The following ANO4 variants were observed in gnomAD, a reference collection of about 807,000 sequenced individuals.
ANO4 encodes anoctamin 4.
A neutral mutation model predicts 141.9 loss-of-function variants in ANO4; 69 were observed. The observed-to-expected ratio is 0.49, with a 90% CI of 0.40 to 0.59. The LOEUF (loss-of-function observed/expected upper bound fraction) is 0.59, where lower values mean the gene tolerates loss of function less well. ANO4 is among the 20% of genes least tolerant of loss of function. ANO4 has a pLI of 0.00. For missense variants in ANO4, 894 were observed against 1,162.2 expected, an observed-to-expected ratio of 0.77 and a Z score of 3.36; for synonymous variants, 350 against 394.3, an observed-to-expected ratio of 0.89 and a Z score of 1.33.
At chr12:100,728,821 A>G (rs570034886) in intron 1 of ANO4, among the ~76,000 whole-genome samples, 92 of 152,318 alleles carry the variant, frequency 6.0e-4, no homozygotes, top group African/African-American at 2.1e-3. Flanking sequence ...TAAAAAAGTT[A>G]TAGTGAACTA....
intron 2 of ANO4, 99 bp downstream of exon 2, chr12:100,901,939 A>C: frequency 8.2e-7 from 1 of 1,224,796 alleles, no homozygotes; most frequent in East Asian, 2.4e-5. Context: ...ACTTTCAGCT[A>C]AGCTTGCTTT....
chr12:100,796,705 C>T (rs1240526712), intron 1 of ANO4, among the ~76,000 whole-genome samples: 1 of 151,870 alleles, frequency 6.6e-6, no homozygotes, highest in Non-Finnish European at 1.5e-5. Flanking sequence ...TCCACTCTTC[C>T]CTACACTCGA....
chr12:100,977,293 G>A (rs923872066), intron 7 of ANO4, among the ~76,000 whole-genome samples: 2 of 152,000 alleles, frequency 1.3e-5, no homozygotes, highest in African/African-American at 4.8e-5. Context: ...CTAGCAACTA[G>A]TCCACTAACT....
At chr12:100,942,286 A>C (rs1349433789) in intron 4 of ANO4, 91 bp from the exon 5 acceptor site, 1 of 1,462,380 alleles carries the variant, frequency 6.8e-7, no homozygotes, top group Non-Finnish European at 9.3e-7. Flanking sequence ...AACTGAAAAA[A>C]GTTATTTAGT....
intron 9 of ANO4, among the ~76,000 whole-genome samples, chr12:101,021,551 C>G (rs1337500534): frequency 6.6e-6 from 1 of 152,192 alleles, no homozygotes; most frequent in Non-Finnish European, 1.5e-5. Flanking sequence ...AAGTTAATAT[C>G]TGGTGCATAG....
At chr12:100,916,875 C>T (rs1457593877) in intron 2 of ANO4, among the ~76,000 whole-genome samples, 4 of 151,270 alleles carry the variant, frequency 2.6e-5, no homozygotes, top group Non-Finnish European at 4.4e-5. Context: ...TTTTTTGTTG[C>T]TGTTTCTCTT....
intron 5 of ANO4, among the ~76,000 whole-genome samples, chr12:100,950,232 AAAAAAG>A (rs2042914607): frequency 6.6e-6 from 1 of 152,178 alleles, no homozygotes; most frequent in African/African-American, 2.4e-5. Context: ...AGAAAAGAAA[AAAAAAG>A]AAAAAGAAAA....
At chr12:101,076,963 G>T (rs993461511) in intron 14 of ANO4, among the ~76,000 whole-genome samples, 1 of 152,154 alleles carries the variant, frequency 6.6e-6, no homozygotes, top group Non-Finnish European at 1.5e-5. Flanking sequence ...CTTTAGAAAG[G>T]CCTGCTTGCA....
At chr12:100,988,736 T>C (rs2044865045) in intron 8 of ANO4, among the ~76,000 whole-genome samples, 1 of 151,360 alleles carries the variant, frequency 6.6e-6, no homozygotes, top group Non-Finnish European at 1.5e-5. Context: ...CTGGGCATGG[T>C]GGTGCACACC....
At chr12:100,838,016 G>A (rs903368476) in intron 1 of ANO4, among the ~76,000 whole-genome samples, 1 of 152,064 alleles carries the variant, frequency 6.6e-6, no homozygotes, top group Non-Finnish European at 1.5e-5. Flanking sequence ...TATTCCACAG[G>A]CCCCTATAGG....
At chr12:100,729,796 G>A (rs1358917836) in intron 1 of ANO4, among the ~76,000 whole-genome samples, 1 of 152,114 alleles carries the variant, frequency 6.6e-6, no homozygotes, top group Non-Finnish European at 1.5e-5. Flanking sequence ...CAATTGCCAC[G>A]GCTCTTTGTA....
chr12:100,892,388 A>T (rs1281210375), intron 1 of ANO4, among the ~76,000 whole-genome samples: 1 of 152,188 alleles, frequency 6.6e-6, no homozygotes. Flanking sequence ...AGGCTAAGCT[A>T]TTCAAGGTTG....
chr12:100,900,801 C>T (rs752204829), intron 1 of ANO4, among the ~76,000 whole-genome samples: 1 of 152,184 alleles, frequency 6.6e-6, no homozygotes, highest in Non-Finnish European at 1.5e-5. Context: ...AATTTTCCCT[C>T]ATCAACTAAT....
intron 3 of ANO4, among the ~76,000 whole-genome samples, chr12:100,759,514 A>G (rs976384774): frequency 4.6e-5 from 7 of 152,132 alleles, no homozygotes; most frequent in Non-Finnish European, 7.4e-5. Flanking sequence ...TTCTAGGGTT[A>G]TGTGGTCAGT....
chr12:101,051,778 G>C (rs1219949070), intron 14 of ANO4, among the ~76,000 whole-genome samples: 1 of 152,172 alleles, frequency 6.6e-6, no homozygotes, highest in African/African-American at 2.4e-5. Context: ...GAGCTCCTCT[G>C]CTCTACTGCT....
intron 1 of ANO4, among the ~76,000 whole-genome samples, chr12:100,803,829 G>T (rs2034835808): frequency 6.6e-6 from 1 of 152,184 alleles, no homozygotes; most frequent in South Asian, 2.1e-4. Flanking sequence ...GTGCCTGCAA[G>T]ATGATTGCAT....
chr12:100,790,316 A>G (rs533079559), upstream of ANO4, among the ~76,000 whole-genome samples: 3 of 152,330 alleles, frequency 2.0e-5, no homozygotes, highest in Non-Finnish European at 2.9e-5. Context: ...AGGGGATGGC[A>G]TGATTATATT....
At chr12:100,872,711 T>C (rs974987698) in intron 1 of ANO4, among the ~76,000 whole-genome samples, 4 of 152,202 alleles carry the variant, frequency 2.6e-5, no homozygotes, top group African/African-American at 4.8e-5. Context: ...AAATGGGACA[T>C]GTTGGCCATC....
At chr12:101,094,822 C>CA (rs34323998) in intron 18 of ANO4, among the ~76,000 whole-genome samples, 2 of 150,104 alleles carry the variant, frequency 1.3e-5, no homozygotes, top group African/African-American at 5.0e-5. Flanking sequence ...CCTGTCTCTA[C>CA]AAAAAAATTA....
Sources: gnomAD v4.1 joint callset for allele counts (sites outside exome capture counted in the v4.1 genomes callset) on GRCh38, gnomAD v4.1.1 for gene constraint, MANE v1.5 for transcripts, NCBI Gene and HGNC (gene_info 2026-07-23, HGNC 2026-07-21) for gene names.